The following AKR1C4 variants were observed in gnomAD, a reference collection of about 807,000 sequenced individuals.
AKR1C4 encodes the protein 3-alpha-HSD1.
Under a neutral mutation model 41.0 loss-of-function variants are expected in AKR1C4, and 44 were observed. The observed-to-expected ratio is 1.07, with a 90% CI of 0.84 to 1.38. The LOEUF is 1.38. Ranked by LOEUF, AKR1C4 falls within the 40% of genes most tolerant of loss-of-function variation. AKR1C4 has a pLI of 0.00. For missense variants in AKR1C4, 438 were observed against 387.9 expected (o/e 1.13, Z -1.09); for synonymous variants, 165 against 137.7 (o/e 1.20, Z -1.39).
At chr10:5,203,763 A>G (rs1554797160) in intron 2 of AKR1C4, among the ~76,000 whole-genome samples, 1 of 152,224 alleles carries the variant, frequency 6.6e-6, no homozygotes, top group Middle Eastern at 3.2e-3. Flanking sequence ...CCAATCCACA[A>G]TCTTGGGAAC....
chr10:5,206,157 A>AT, intron 4 of AKR1C4, 118 bp from the exon 5 acceptor site: 1 of 1,517,808 alleles, frequency 6.6e-7, no homozygotes, highest in Non-Finnish European at 8.9e-7. Context: ...TCTCTTGAGA[A>AT]TCACTGCTAT....
At chr10:5,203,712 AT>A (rs1286040400) in intron 2 of AKR1C4, among the ~76,000 whole-genome samples, 18 of 152,290 alleles carry the variant, frequency 1.2e-4, no homozygotes, top group African/African-American at 4.3e-4. Context: ...TCTATATGCT[AT>A]TCTGTCTTTC....
Position 5,204,486 on chromosome 10 carries a change from C to T in AKR1C4, c.362C>T (p.Ala121Val), listed in dbSNP as rs1554797251. Residue 121 changes from alanine to valine, a missense_variant, in exon 3 of 9, where the codon GCT becomes GTT. Coordinates refer to ENST00000263126, the MANE Select transcript of AKR1C4 (RefSeq NM_001818.5). ...VDLYLLHFPM[A>V]LKPGETPLPK... is the part of the protein sequence containing the mutation. The stretch of plus-strand genomic sequence containing the variant: ...CTCTATCTTCTTCATTTCCCAATGG[C>T]TCTCAAGGTAGGGAATTTGTGAGAT... 1 of 1,607,446 alleles carries T rather than the reference C, an allele frequency of 6.2e-7. No individual in the cohort carries two copies. Among genetic ancestry groups the T allele is most frequent in the African/African-American group, 1.3e-5 (1 of 74,856 alleles).
At chr10:5,200,059 G>A (rs577294274) in intron 1 of AKR1C4, 122 bp from the exon 2 acceptor site, 322 of 1,269,094 alleles carry the variant, frequency 2.5e-4, no homozygotes, top group South Asian at 9.1e-4. Context: ...TCTGAGCAGC[G>A]GGGGCCTGAA....
chr10:5,208,741 A>C (rs1832526275), intron 5 of AKR1C4, among the ~76,000 whole-genome samples: 1 of 151,436 alleles, frequency 6.6e-6, no homozygotes, highest in Non-Finnish European at 1.5e-5. Flanking sequence ...TTATTGAAAG[A>C]TCTCTTATAC....
Position 5,218,755 on chromosome 10 carries a change from T to G in AKR1C4, c.967T>G (p.Tyr323Asp). ...TCCTGATTATCCATTTTCAGATGAA[T>G]ATTAGCATAGAGGGTGTTGCACGAC... The part of the protein sequence containing the change: ...DHPDYPFSDE[Y>D] The change falls in exon 9 of 9, where the codon TAT (tyrosine) becomes GAT (aspartate). Residue 323 changes from tyrosine (Y) to aspartate (D), a missense_variant. Physicochemically the swap from Tyr to Asp is radical, Grantham distance 160 (BLOSUM62 -3). Coordinates refer to ENST00000263126, the MANE Select transcript of AKR1C4 (RefSeq NM_001818.5). The G allele has an allele frequency of 6.2e-7, 1 of 1,604,706 alleles. No individual in the cohort carries two copies. Among genetic ancestry groups the G allele is most frequent in the Non-Finnish European group, 8.5e-7 (1 of 1,171,404 alleles).
At chr10:5,213,184 G>A (rs1402675061) in intron 7 of AKR1C4, 25 bp downstream of exon 7, 1 of 1,611,364 alleles carries the variant, frequency 6.2e-7, no homozygotes, top group South Asian at 1.1e-5. Flanking sequence ...GGGCATCAGG[G>A]CTCCTGCACA....
intron 8 of AKR1C4, 116 bp from the exon 9 acceptor site, chr10:5,218,602 G>A (rs1025771114): frequency 7.3e-5 from 52 of 711,286 alleles, no homozygotes; most frequent in Middle Eastern, 2.5e-4. Context: ...CAAATAGTCC[G>A]AAAATAAACT....
intron 5 of AKR1C4, among the ~76,000 whole-genome samples, chr10:5,209,410 A>T (rs1554797743): frequency 6.6e-6 from 1 of 152,218 alleles, no homozygotes; most frequent in East Asian, 1.9e-4. Context: ...ATTATAAAAA[A>T]ATTTTTTTCA....
At position 5,214,902 on chromosome 10, in the gene AKR1C4, C is replaced by T. The variant is rs146442054; in HGVS notation, c.846+1743C>T. Among the ~76,000 whole-genome samples the T allele has an allele frequency of 3.7e-3, 558 of 152,056 alleles. 3 individuals are homozygous for T. The highest frequency in any genetic ancestry group is 0.013 in the African/African-American group (530 of 41,470). Reference sequence around the variant, plus strand: ...TTCTTTCCAATTTGTATACTGAGACCCTCTTCAAGAAACTATTTGTGTTCT... The same window carrying T: ...TTCTTTCCAATTTGTATACTGAGACTCTCTTCAAGAAACTATTTGTGTTCT... On this transcript the variant is annotated intron_variant, in intron 7 of 8. Coordinates refer to ENST00000263126, the MANE Select transcript of AKR1C4 (RefSeq NM_001818.5).
intron 8 of AKR1C4, among the ~76,000 whole-genome samples, chr10:5,218,082 G>A (rs146197265): frequency 6.6e-6 from 1 of 152,274 alleles, no homozygotes; most frequent in African/African-American, 2.4e-5. Context: ...GCAAACATCA[G>A]TAATTCTCAC....
At chr10:5,203,912 G>C (rs1251178771) in intron 2 of AKR1C4, among the ~76,000 whole-genome samples, 1 of 152,174 alleles carries the variant, frequency 6.6e-6, no homozygotes, top group Non-Finnish European at 1.5e-5. Flanking sequence ...TCAGTGAAGA[G>C]TGTGGGAGGC....
chr10:5,213,782 G>A (rs1832612951), intron 7 of AKR1C4, among the ~76,000 whole-genome samples: 3 of 152,136 alleles, frequency 2.0e-5, no homozygotes, highest in Non-Finnish European at 4.4e-5. Flanking sequence ...TGTGTGCAGG[G>A]CAATGAGGCA....
intron 5 of AKR1C4, among the ~76,000 whole-genome samples, chr10:5,211,614 C>T (rs185123212): frequency 2.4e-4 from 36 of 152,258 alleles, no homozygotes; most frequent in African/African-American, 7.0e-4. Flanking sequence ...TAGGAAGTTC[C>T]GGACCTTCTT....
chr10:5,206,835 T>C (rs1221512245), intron 5 of AKR1C4, among the ~76,000 whole-genome samples: 1 of 149,212 alleles, frequency 6.7e-6, no homozygotes, highest in Non-Finnish European at 1.5e-5. Context: ...GTACTACGGG[T>C]TTAAATAGGG....
intron 3 of AKR1C4, among the ~76,000 whole-genome samples, chr10:5,205,096 A>G (rs1272207667): frequency 6.6e-6 from 1 of 152,240 alleles, no homozygotes; most frequent in Non-Finnish European, 1.5e-5. Context: ...CATGATGCAA[A>G]TGGGTAGTCA....
chr10:5,208,071 A>T (rs1832517163), intron 5 of AKR1C4, among the ~76,000 whole-genome samples: 1 of 48,082 alleles, frequency 2.1e-5, no homozygotes, highest in African/African-American at 3.6e-5. Context: ...AGAGTGAAAA[A>T]AAGGAAAGTT....
intron 1 of AKR1C4, among the ~76,000 whole-genome samples, chr10:5,197,938 A>C (rs1278242281): frequency 6.7e-6 from 1 of 150,184 alleles, no homozygotes; most frequent in Non-Finnish European, 1.5e-5. Context: ...GCATCAGGGG[A>C]AGGTAGTGCA....
chr10:5,208,336 T>C (rs1161925028), intron 5 of AKR1C4, among the ~76,000 whole-genome samples: 1 of 151,656 alleles, frequency 6.6e-6, no homozygotes, highest in Admixed American at 6.5e-5. Context: ...GGTAATATAA[T>C]ACAAAATCAT....
Sources: gnomAD v4.1 joint callset for allele counts (sites outside exome capture counted in the v4.1 genomes callset) on GRCh38, gnomAD v4.1.1 for gene constraint, MANE v1.5 for transcripts, NCBI Gene and HGNC (gene_info 2026-07-23, HGNC 2026-07-21) for gene names.